PALM2AKAP2: variants seen among roughly 807,000 people sequenced by gnomAD.
The protein encoded by PALM2AKAP2 is PALM2-AKAP2 fusion protein.
In PALM2AKAP2, 37 loss-of-function variants were observed where a neutral mutation model predicts 71.5. The ratio of observed to expected loss-of-function variants is 0.52; its 90% CI spans 0.40 to 0.68. The LOEUF is 0.68. PALM2AKAP2 is among the 30% of genes least tolerant of loss of function. PALM2AKAP2 has a pLI of 0.00. For missense variants in PALM2AKAP2, 1,224 were observed against 1,191.8 expected, an observed-to-expected ratio of 1.03 and a Z score of -0.40; for synonymous variants, 468 against 478.8, an observed-to-expected ratio of 0.98 and a Z score of 0.29.
rs1835405685 is a variant in PALM2AKAP2 at position 110,118,067 on chromosome 9, G to T, written c.157-18060G>T. Among the ~76,000 whole-genome samples the T allele has an allele frequency of 2.7e-5, 4 of 148,620 alleles. No individual in the cohort carries two copies. The South Asian group carries it at 8.7e-4, about 32-fold the overall frequency. On this transcript the variant is annotated intron_variant, in intron 1 of 3. Transcript: ENST00000374525. ...AGCCATGGAGGCACATGTAGAAAATGATCTATATTCAAGGATCTCCAATGC... is the reference window on the plus strand; with the variant it reads ...AGCCATGGAGGCACATGTAGAAAATTATCTATATTCAAGGATCTCCAATGC...
Position 109,810,997 on chromosome 9 carries a change from G to A in PALM2AKAP2, c.45+30464G>A, listed in dbSNP as rs57590229. 9.6e-3 allele frequency among the ~76,000 whole-genome samples: 1,459 copies of A among 152,214 alleles called. 22 individuals are homozygous for A. The highest frequency in any genetic ancestry group is 0.034 in the African/African-American group (1,410 of 41,520). On this transcript the variant is annotated intron_variant, in intron 1 of 9. Transcript: ENST00000302798. ...AGGTCATCAGCTGGCAGGGAGGAAG[G>A]GGGAAGAGGTGTTGGAAATTTGAGG...
intron 6 of PALM2AKAP2, among the ~76,000 whole-genome samples, chr9:109,986,837 C>T (rs1440499853): frequency 6.6e-6 from 1 of 152,158 alleles, no homozygotes; most frequent in Non-Finnish European, 1.5e-5. Context: ...CTTGGAATGA[C>T]TAGTTCTAGA....
At chr9:110,006,178 C>CT (rs1258374629) in intron 6 of PALM2AKAP2, among the ~76,000 whole-genome samples, 4 of 151,294 alleles carry the variant, frequency 2.6e-5, no homozygotes, top group Non-Finnish European at 5.9e-5. Flanking sequence ...CACCTCTTTT[C>CT]TTTTTTTTTC....
At chr9:109,787,081 C>T (rs1338385528) in intron 1 of PALM2AKAP2, among the ~76,000 whole-genome samples, 1 of 151,562 alleles carries the variant, frequency 6.6e-6, no homozygotes, top group East Asian at 1.9e-4. Flanking sequence ...ACGGTGGTCC[C>T]AAGGGCTGTC....
intron 1 of PALM2AKAP2, among the ~76,000 whole-genome samples, chr9:109,710,825 TGGTG>T (rs1828223119): frequency 6.6e-6 from 1 of 152,150 alleles, no homozygotes; most frequent in African/African-American, 2.4e-5. Context: ...TTGCAGCCAA[TGGTG>T]TCTGCCATTG....
chr9:109,654,750 G>GGTGTGTGTGTGTGTGTGTGT lies in PALM2AKAP2; in HGVS notation c.5+13893_5+13912dup, dbSNP rs374397482. Reference sequence around the variant, plus strand: ...TAGAGGTGCCTGTATGTATGTGTATGGTGTGTGTGTGTGTGTGTGTGTGTG... The same window carrying GGTGTGTGTGTGTGTGTGTGT: ...TAGAGGTGCCTGTATGTATGTGTATGGTGTGTGTGTGTGTGTGTGTGTGTGTGTGTGTGTGTGTGTGTGTG... On this transcript the variant is annotated intron_variant, in intron 1 of 6. Coordinates refer to the PALM2AKAP2 transcript ENST00000374531. 1.3e-3 allele frequency among the ~76,000 whole-genome samples: 198 copies of GGTGTGTGTGTGTGTGTGTGT among 147,292 alleles called. 2 individuals carry two copies. Among genetic ancestry groups the GGTGTGTGTGTGTGTGTGTGT allele is most frequent in the South Asian group, 7.3e-3 (33 of 4,500 alleles).
At chr9:109,924,066 T>C (rs1245336511) in intron 4 of PALM2AKAP2, among the ~76,000 whole-genome samples, 1 of 152,142 alleles carries the variant, frequency 6.6e-6, no homozygotes, top group Non-Finnish European at 1.5e-5. Flanking sequence ...CTGCAAGGCA[T>C]AGGGAAGAGT....
chr9:110,004,667 C>T (rs1408444239), intron 6 of PALM2AKAP2, among the ~76,000 whole-genome samples: 2 of 152,192 alleles, frequency 1.3e-5, no homozygotes, highest in Non-Finnish European at 2.9e-5. Context: ...TCAGGTACAC[C>T]AATCAGATGT....
At chr9:110,138,174 C>A in exon 2 of PALM2AKAP2, 2 of 1,614,056 alleles carry the variant, frequency 1.2e-6, no homozygotes, top group Non-Finnish European at 1.7e-6. Flanking sequence ...ATTCTGCCTG[C>A]TGAAGACAGG....
chr9:109,776,123 A>C (rs1440430637), upstream of PALM2AKAP2, among the ~76,000 whole-genome samples: 1 of 152,230 alleles, frequency 6.6e-6, no homozygotes, highest in Non-Finnish European at 1.5e-5. Flanking sequence ...TTTTTTTCTT[A>C]ATACCAGGCC....
intron 1 of PALM2AKAP2, among the ~76,000 whole-genome samples, chr9:110,127,067 A>G (rs1452111517): frequency 6.6e-6 from 1 of 152,214 alleles, no homozygotes; most frequent in African/African-American, 2.4e-5. Flanking sequence ...CATAAGACAG[A>G]GAGAATAGCA....
chr9:109,766,927 T>A (rs1224008275), intron 1 of PALM2AKAP2, among the ~76,000 whole-genome samples: 1 of 152,166 alleles, frequency 6.6e-6, no homozygotes, highest in Middle Eastern at 3.2e-3. Context: ...CCAGTGCTGT[T>A]AGCCACTGTC....
chr9:110,031,673 A>C (rs1479758031), intron 7 of PALM2AKAP2, among the ~76,000 whole-genome samples: 1 of 152,166 alleles, frequency 6.6e-6, no homozygotes, highest in African/African-American at 2.4e-5. Context: ...AAGGTCACAC[A>C]GACAAGGAGT....
intron 1 of PALM2AKAP2, among the ~76,000 whole-genome samples, chr9:110,062,217 A>G (rs891776590): frequency 3.3e-5 from 5 of 152,126 alleles, no homozygotes; most frequent in African/African-American, 1.2e-4. Context: ...CCCTACATGC[A>G]TTAGCTAGTT....
exon 2 of PALM2AKAP2, chr9:110,136,610 A>C (rs1440079997): frequency 2.5e-6 from 4 of 1,613,862 alleles, no homozygotes; most frequent in Middle Eastern, 1.6e-4. Context: ...CCCTGACCCC[A>C]TGGCAGAGGC....
intron 1 of PALM2AKAP2, among the ~76,000 whole-genome samples, chr9:109,861,713 T>G (rs1301030461): frequency 6.6e-6 from 1 of 152,194 alleles, no homozygotes; most frequent in African/African-American, 2.4e-5. Flanking sequence ...CTTTCCATGA[T>G]TCTTTCCCAG....
At chr9:110,011,004 A>ATATATATATATATAT (rs1451603143) in intron 6 of PALM2AKAP2, among the ~76,000 whole-genome samples, 1 of 97,176 alleles carries the variant, frequency 1.0e-5, no homozygotes, top group African/African-American at 5.6e-5. Context: ...CTCAAAAAAA[A>ATATATATATATATAT]AAAAAAAAAA....
At chr9:109,647,486 T>TATGC (rs1827170772) in intron 1 of PALM2AKAP2, among the ~76,000 whole-genome samples, 1 of 152,216 alleles carries the variant, frequency 6.6e-6, no homozygotes, top group African/African-American at 2.4e-5. Flanking sequence ...GGTGAGTGAA[T>TATGC]ATGCACATTG....
intron 7 of PALM2AKAP2, among the ~76,000 whole-genome samples, chr9:110,043,213 T>C (rs1833537636): frequency 6.6e-6 from 1 of 152,190 alleles, no homozygotes; most frequent in Non-Finnish European, 1.5e-5. Flanking sequence ...GTCCCAGTTT[T>C]CAAATGCTGT....
Sources: gnomAD v4.1 joint callset for allele counts (sites outside exome capture counted in the v4.1 genomes callset) on GRCh38, gnomAD v4.1.1 for gene constraint, MANE v1.5 for transcripts, NCBI Gene and HGNC (gene_info 2026-07-23, HGNC 2026-07-21) for gene names.